The following TRIM71 variants were observed in gnomAD, a reference collection of about 807,000 sequenced individuals.
The protein encoded by TRIM71 is E3 ubiquitin-protein ligase TRIM71.
TRIM71 carries 9 observed loss-of-function variants against 61.2 expected under a neutral mutation model. That is an observed-to-expected ratio of 0.15 (90% CI 0.09 to 0.26). The LOEUF is 0.26. Ranked by LOEUF, TRIM71 falls within the 10% of genes least tolerant of loss-of-function variation. The probability of loss-of-function intolerance (pLI) is 1.00; values close to 1 mark genes in which losing one functional copy is unlikely to be tolerated. For missense variants in TRIM71, 998 were observed against 1,238.7 expected (o/e 0.81, Z 2.92); for synonymous variants, 645 against 553.2 (o/e 1.17, Z -2.33).
intron 1 of TRIM71, among the ~76,000 whole-genome samples, chr3:32,835,885 C>G (rs1047119429): frequency 2.6e-5 from 4 of 152,176 alleles, no homozygotes; most frequent in Admixed American, 6.5e-5. Flanking sequence ...TCCTTTCAAG[C>G]AACCATTTAC....
chr3:32,819,433 C>T (rs1472673168), intron 1 of TRIM71, among the ~76,000 whole-genome samples: 1 of 152,146 alleles, frequency 6.6e-6, no homozygotes, highest in African/African-American at 2.4e-5. Flanking sequence ...GTTTGTGTGC[C>T]TCCGTAGACC....
rs1188294091 is a variant in TRIM71 at position 32,891,650 on chromosome 3, C to T, written c.2446C>T (p.His816Tyr). 1.9e-6 allele frequency: 3 copies of T among 1,613,252 alleles called. No individual in the cohort carries two copies. The highest frequency in any genetic ancestry group is 2.5e-6 in the Non-Finnish European group (3 of 1,179,438). The part of the protein sequence containing the change: ...GRIIVADSRN[H>Y]RVQMFESNGS... ...CATCATTGTGGCGGATTCCAGGAAC[C>T]ATCGGGTACAGATGTTTGAATCCAA... Residue 816 changes from histidine to tyrosine, a missense_variant, in exon 4 of 4, where the codon CAT becomes TAT. By Grantham distance (83) the His-to-Tyr change is moderately conservative (BLOSUM62 2). Transcript: ENST00000383763. The surrounding 1 kb of genome is among the most constrained non-coding windows in gnomAD (Gnocchi z 8.2).
chr3:32,830,448 A>G (rs1696256784), intron 1 of TRIM71, among the ~76,000 whole-genome samples: 2 of 152,200 alleles, frequency 1.3e-5, no homozygotes, highest in African/African-American at 4.8e-5. Context: ...ATCTCTTGAA[A>G]TGATAACTCC....
At chr3:32,827,501 A>C (rs1162879704) in intron 1 of TRIM71, among the ~76,000 whole-genome samples, 2 of 151,598 alleles carry the variant, frequency 1.3e-5, no homozygotes, top group African/African-American at 4.8e-5. Flanking sequence ...ACCTCAGGTG[A>C]TCTGCCGCCT....
At chr3:32,838,449 C>T (rs1337763797) in intron 1 of TRIM71, among the ~76,000 whole-genome samples, 1 of 151,602 alleles carries the variant, frequency 6.6e-6, no homozygotes, top group Non-Finnish European at 1.5e-5. Context: ...GTCTCGAACT[C>T]CTGACTCAAG....
At chr3:32,836,133 G>A (rs1376195978) in intron 1 of TRIM71, among the ~76,000 whole-genome samples, 3 of 152,086 alleles carry the variant, frequency 2.0e-5, no homozygotes, top group Non-Finnish European at 4.4e-5. Context: ...CCCCAGCAAG[G>A]AGATCTCTAG....
At chr3:32,878,420 A>G (rs1248030116) in intron 2 of TRIM71, among the ~76,000 whole-genome samples, 1 of 152,150 alleles carries the variant, frequency 6.6e-6, no homozygotes, top group Non-Finnish European at 1.5e-5. Flanking sequence ...GACCAGCCTG[A>G]CTAACACAGA....
At position 32,891,852 on chromosome 3, in the gene TRIM71, G is replaced by GTCTCTCTCTC. The variant is rs10630076; in HGVS notation, c.*53_*62dup. The GTCTCTCTCTC allele has an allele frequency of 1.8e-4, 259 of 1,440,162 alleles. No individual in the cohort carries two copies. Among genetic ancestry groups the GTCTCTCTCTC allele is most frequent in the Middle Eastern group, 7.8e-4 (4 of 5,160 alleles). The allele number at this position is 1,440,162 out of a possible 1,614,324, so 89.2% of individuals were successfully genotyped here. On this transcript the variant is annotated 3_prime_UTR_variant, in exon 4 of 4. Coordinates refer to ENST00000383763, the MANE Select transcript of TRIM71 (RefSeq NM_001039111.3). This position sits in a 1 kb window ranked among gnomAD's most constrained non-coding sequence, Gnocchi z 8.2. ...TTCTGTGTTTGGGGTGTGTGTGCGT[G>GTCTCTCTCTC]TCTCTCTCTCTCTCTCTCTCTTTCT...
intron 1 of TRIM71, among the ~76,000 whole-genome samples, chr3:32,821,030 G>A (rs907459372): frequency 4.6e-5 from 7 of 152,192 alleles, no homozygotes; most frequent in African/African-American, 1.7e-4. Flanking sequence ...AGTGTTCTGA[G>A]TAGAAGACTA....
At chr3:32,831,151 G>A (rs1179076073) in intron 1 of TRIM71, among the ~76,000 whole-genome samples, 4 of 152,128 alleles carry the variant, frequency 2.6e-5, no homozygotes, top group Admixed American at 2.6e-4. Flanking sequence ...TGGGGGTGGG[G>A]GACCGTGGGG....
intron 1 of TRIM71, among the ~76,000 whole-genome samples, chr3:32,834,922 A>G (rs1696318237): frequency 6.6e-6 from 1 of 152,118 alleles, no homozygotes. Context: ...TGAGCGCATA[A>G]TTTGTCTGAA....
At chr3:32,870,583 T>C (rs1696784314) in intron 1 of TRIM71, among the ~76,000 whole-genome samples, 1 of 152,118 alleles carries the variant, frequency 6.6e-6, no homozygotes, top group Non-Finnish European at 1.5e-5. Context: ...ACCCTGCCTT[T>C]CGCTGCCATA....
At chr3:32,865,328 CAAAA>C (rs988221422) in intron 1 of TRIM71, among the ~76,000 whole-genome samples, 18 of 151,580 alleles carry the variant, frequency 1.2e-4, no homozygotes, top group Non-Finnish European at 2.4e-4. Context: ...GATTCCATCT[CAAAA>C]AAACAAAAAA....
intron 2 of TRIM71, among the ~76,000 whole-genome samples, chr3:32,883,164 C>T (rs1232507223): frequency 6.6e-6 from 1 of 152,192 alleles, no homozygotes; most frequent in Non-Finnish European, 1.5e-5. Flanking sequence ...ATCCTGACAG[C>T]GTGAGATACT....
chr3:32,875,957 C>A (rs1696848237), intron 2 of TRIM71, among the ~76,000 whole-genome samples: 1 of 152,194 alleles, frequency 6.6e-6, no homozygotes, highest in African/African-American at 2.4e-5. Context: ...CTGAAACAAT[C>A]TTTTCTGATG....
chr3:32,886,922 T>C (rs1190142990), intron 3 of TRIM71, among the ~76,000 whole-genome samples: 1 of 152,262 alleles, frequency 6.6e-6, no homozygotes, highest in Non-Finnish European at 1.5e-5. Flanking sequence ...CTGCCTCTTC[T>C]GACCTCTTAA....
rs753970343 is a variant in TRIM71 at position 32,890,757 on chromosome 3, T to C, written c.1553T>C (p.Leu518Pro). ...TATGACCACGATGGTGAGCCCCGCC[T>C]CTCAGGAGGCGACCTGATGTCGGCT... ...IGYDHDGEPR[L>P]SGGDLMSAVV... is the part of the protein sequence containing the mutation. The change falls in exon 4 of 4, where the codon CTC (leucine) becomes CCC (proline). Residue 518 changes from leucine (L) to proline (P), a missense_variant. Leu to Pro is a moderately conservative substitution (Grantham distance 98). Around this residue, in one of 5 missense-constraint regions of TRIM71, gnomAD observed 291 missense variants for 431.2 expected, o/e 0.67. Coordinates refer to ENST00000383763, the MANE Select transcript of TRIM71 (RefSeq NM_001039111.3). The surrounding 1 kb of genome is among the most constrained non-coding windows in gnomAD (Gnocchi z 6.2). 3.1e-6 allele frequency: 5 copies of C among 1,614,136 alleles called. No individual in the cohort carries two copies. In the Admixed American group the frequency reaches 8.3e-5, roughly 27 times the overall value.
In TRIM71 at chr3:32,832,734, T is replaced by C. The variant is rs762689348; in HGVS notation, c.852+13802T>C. 5.5e-4 allele frequency among the ~76,000 whole-genome samples: 84 copies of C among 152,202 alleles called. 1 individual carries two copies. The highest frequency in any genetic ancestry group is 5.7e-4 in the Non-Finnish European group (39 of 68,034). ...TTGTAAAATTAGACCTTTTACCTAA[T>C]TTTTTCTACTTCTTTCAACATCTGT... On this transcript the variant is annotated intron_variant, in intron 1 of 3. Transcript: ENST00000383763.
At chr3:32,850,151 A>G (rs1696522070) in intron 1 of TRIM71, among the ~76,000 whole-genome samples, 4 of 152,182 alleles carry the variant, frequency 2.6e-5, no homozygotes, top group Admixed American at 2.6e-4. Context: ...AGTGGGACAG[A>G]AAGGTGTTGA....
Sources: allele counts gnomAD v4.1 joint callset (sites outside exome capture counted in the v4.1 genomes callset), GRCh38; gene constraint gnomAD v4.1.1; regional missense constraint gnomAD v4.1.1; non-coding constraint Gnocchi (gnomAD v3.1); transcripts MANE v1.5; gene names NCBI Gene and HGNC (gene_info 2026-07-23, HGNC 2026-07-21).